Variants in UBASH3B observed in about 807,000 individuals in gnomAD.
UBASH3B encodes the protein ubiquitin associated and SH3 domain containing B, also known as ubiquitin-associated and SH3 domain-containing protein B.
Under a neutral mutation model 83.4 loss-of-function variants are expected in UBASH3B, and 37 were observed. That is an observed-to-expected ratio of 0.44 (90% CI 0.34 to 0.58). The LOEUF (loss-of-function observed/expected upper bound fraction) is 0.58. Among genes scored for constraint, UBASH3B ranks in the 20% least tolerant of loss-of-function variants. UBASH3B has a pLI of 0.01. For synonymous variants in UBASH3B, 304 were observed against 318.3 expected (o/e 0.96, Z 0.48); for missense variants, 657 against 827.2 (o/e 0.79, Z 2.52).
intron 1 of UBASH3B, among the ~76,000 whole-genome samples, chr11:122,754,740 C>A (rs1224891987): frequency 1.3e-5 from 2 of 152,142 alleles, no homozygotes; most frequent in Admixed American, 6.5e-5. Flanking sequence ...CTCTGGTGGA[C>A]AGAAAAAGAA....
rs1860953551 is a variant in UBASH3B at position 122,737,517 on chromosome 11, T to C, written c.162-38702T>C. Among the ~76,000 whole-genome samples the C allele has an allele frequency of 2.0e-5, 3 of 152,050 alleles. No homozygotes were observed. The South Asian group carries it at 6.2e-4, about 31-fold the overall frequency. ...GCTAAGTGTAGTACAGGCCGTGAGG[T>C]AGATGCTCAGTAAGAATGAGGAGCG... On this transcript the variant is annotated intron_variant, in intron 1 of 13. Transcript: ENST00000284273.
rs1200285367 is a variant in UBASH3B, at chr11:122,776,287, A to C, written c.215+15A>C. 6.3e-7 allele frequency: 1 copy of C among 1,598,092 alleles called. No individual in the cohort carries two copies. The highest frequency in any genetic ancestry group is 1.1e-5 in the South Asian group (1 of 88,428). ...GCATGTGACTGGTTGGTATGAGATA[A>C]ATAAATTGAGAAAATAGCATATAAT... On this transcript the variant is annotated intron_variant, in intron 2 of 13. Transcript: ENST00000284273.
At chr11:122,786,206 C>T (rs575648630) in intron 5 of UBASH3B, among the ~76,000 whole-genome samples, 223 of 152,144 alleles carry the variant, frequency 1.5e-3, no homozygotes, top group African/African-American at 5.1e-3. Flanking sequence ...CCTGCCACCA[C>T]GCCTGGCTAA....
In UBASH3B at chr11:122,757,754, G is replaced by A. The variant is rs113568587; in HGVS notation, c.162-18465G>A. Among the ~76,000 whole-genome samples the A allele has an allele frequency of 2.9e-3, 350 of 122,732 alleles. 4 individuals are homozygous for A. Among genetic ancestry groups the A allele is most frequent in the African/African-American group, 0.011 (340 of 32,196 alleles). The allele number at this position is 122,732 out of a possible 152,430, so 80.5% of individuals were successfully genotyped here. ...TTTTGAGACAGAGTCTCACTCTGTC[G>A]CCAGGCTGAAGTGCAGTGGTGCAAT... On this transcript the variant is annotated intron_variant, in intron 1 of 13. Transcript: ENST00000284273.
At chr11:122,744,962 A>G (rs571293453) in intron 1 of UBASH3B, among the ~76,000 whole-genome samples, 22 of 151,498 alleles carry the variant, frequency 1.5e-4, no homozygotes, top group Admixed American at 1.1e-3. Context: ...CAGCTGAGGC[A>G]GAGGACTTTC....
chr11:122,714,720 G>A (rs185937631), intron 1 of UBASH3B, among the ~76,000 whole-genome samples: 6 of 152,290 alleles, frequency 3.9e-5, no homozygotes, highest in East Asian at 3.9e-4. Context: ...TTCCATCTTC[G>A]CACAGAGTGA....
rs748293690 is a variant in UBASH3B, at chr11:122,798,942, G to C, written c.1358G>C (p.Gly453Ala). Residue 453 changes from glycine (G) to alanine (A), a missense_variant and splice_region_variant, in exon 10 of 14, where the codon GGT (glycine) becomes GCT (alanine). Around this residue, in one of 3 missense-constraint regions of UBASH3B, gnomAD observed 573 missense variants for 739.0 expected, o/e 0.78. Transcript: ENST00000284273. ...GATTTTTTTGTGGTTTTCTTTGCAG[G>C]TGAAGCCTTATTAGAGAGCAATACC... ...VFGCMQARLV[G>A]EALLESNTII... is the part of the protein sequence containing the mutation. 48 of 1,613,712 alleles carry C rather than the reference G, an allele frequency of 3.0e-5. No homozygotes were observed. The highest frequency in any genetic ancestry group is 4.1e-5 in the Non-Finnish European group (48 of 1,179,796).
intron 1 of UBASH3B, among the ~76,000 whole-genome samples, chr11:122,665,804 C>G (rs1445527179): frequency 1.3e-5 from 2 of 152,142 alleles, no homozygotes; most frequent in African/African-American, 4.8e-5. Context: ...AAAATACAAC[C>G]AAAGTGCTGG....
At chr11:122,720,546 G>C (rs528235116) in intron 1 of UBASH3B, among the ~76,000 whole-genome samples, 18 of 152,190 alleles carry the variant, frequency 1.2e-4, no homozygotes, top group Non-Finnish European at 2.1e-4. Flanking sequence ...TAAATCTAAA[G>C]CCTTCCTGTC....
chr11:122,748,676 G>A (rs17246816), intron 1 of UBASH3B, among the ~76,000 whole-genome samples: 34,826 of 152,120 alleles, frequency 0.23, 4,490 homozygotes, highest in Middle Eastern at 0.37. Context: ...CCCAGAACAA[G>A]ACACAAGAGC....
At chr11:122,684,661 T>A (rs1863786270) in intron 1 of UBASH3B, among the ~76,000 whole-genome samples, 1 of 152,096 alleles carries the variant, frequency 6.6e-6, no homozygotes, top group South Asian at 2.1e-4. Context: ...CAGGCTGGAG[T>A]GCAATGGCTC....
At chr11:122,705,303 G>A (rs1018669647) in intron 1 of UBASH3B, among the ~76,000 whole-genome samples, 9 of 151,862 alleles carry the variant, frequency 5.9e-5, no homozygotes, top group Admixed American at 4.6e-4. Flanking sequence ...AAAATTAGCC[G>A]GGTGTGGTGG....
intron 1 of UBASH3B, among the ~76,000 whole-genome samples, chr11:122,739,278 T>C (rs1297166368): frequency 1.3e-5 from 2 of 152,134 alleles, no homozygotes; most frequent in African/African-American, 4.8e-5. Flanking sequence ...AAGTATGGAT[T>C]ATAGAGGAGG....
intron 1 of UBASH3B, among the ~76,000 whole-genome samples, chr11:122,705,426 A>G (rs1431827884): frequency 7.9e-5 from 12 of 151,218 alleles, no homozygotes; most frequent in African/African-American, 2.9e-4. Flanking sequence ...AGCCTGGGCG[A>G]CAGAGCCAGA....
At chr11:122,797,154 A>G in intron 9 of UBASH3B, 121 bp downstream of exon 9, 2 of 1,354,380 alleles carry the variant, frequency 1.5e-6, no homozygotes, top group East Asian at 4.7e-5. Context: ...AGTTTCCTCA[A>G]TTCAAAAGGA....
chr11:122,802,727 G>A (rs1861279670), intron 11 of UBASH3B, among the ~76,000 whole-genome samples: 1 of 152,064 alleles, frequency 6.6e-6, no homozygotes, highest in African/African-American at 2.4e-5. Flanking sequence ...CAATCAACAG[G>A]ATCCCCTATG....
intron 1 of UBASH3B, among the ~76,000 whole-genome samples, chr11:122,746,630 T>C (rs867856359): frequency 6.6e-5 from 10 of 152,212 alleles, no homozygotes; most frequent in Non-Finnish European, 8.8e-5. Context: ...GAGATAAGAC[T>C]GGAAGGGCTA....
intron 1 of UBASH3B, among the ~76,000 whole-genome samples, chr11:122,740,045 G>A (rs1217738782): frequency 1.3e-5 from 2 of 152,012 alleles, no homozygotes; most frequent in Admixed American, 1.3e-4. Context: ...TGACATCCTC[G>A]CAGATGCCAT....
intron 1 of UBASH3B, among the ~76,000 whole-genome samples, chr11:122,680,688 C>G (rs960084174): frequency 2.0e-5 from 3 of 152,146 alleles, no homozygotes; most frequent in Non-Finnish European, 2.9e-5. Flanking sequence ...GTCTTGAACT[C>G]CCGACCTCAA....
Sources: allele counts gnomAD v4.1 joint callset (sites outside exome capture counted in the v4.1 genomes callset), GRCh38; gene constraint gnomAD v4.1.1; regional missense constraint gnomAD v4.1.1; transcripts MANE v1.5; gene names NCBI Gene and HGNC (gene_info 2026-07-23, HGNC 2026-07-21).